UBOX5: variants seen among roughly 807,000 people sequenced by gnomAD.
UBOX5 encodes RING finger protein 37.
UBOX5 carries 28 observed loss-of-function variants against 39.0 expected under a neutral mutation model. The observed-to-expected ratio is 0.72, with a 90% confidence interval of 0.53 to 0.98. The LOEUF is 0.98. Ranked by LOEUF, UBOX5 falls within the 50% of genes least tolerant of loss-of-function variation. UBOX5 has a pLI of 0.00. For synonymous variants in UBOX5, 283 were observed against 275.5 expected, an observed-to-expected ratio of 1.03 and a Z score of -0.27; for missense variants, 585 against 674.4, an observed-to-expected ratio of 0.87 and a Z score of 1.47.
At chr20:3,123,075 A>T (rs907965353) in intron 2 of UBOX5, among the ~76,000 whole-genome samples, 19 of 152,272 alleles carry the variant, frequency 1.2e-4, no homozygotes, top group Admixed American at 1.0e-3. Context: ...TCAAAGAACA[A>T]AGAGCACAGT....
chr20:3,120,080 A>G (rs2066322242), intron 3 of UBOX5, among the ~76,000 whole-genome samples: 1 of 152,126 alleles, frequency 6.6e-6, no homozygotes, highest in African/African-American at 2.4e-5. Flanking sequence ...CAGGCCAGGC[A>G]CAGTGGCTTG....
At chr20:3,158,480 A>C (rs1224244832) in intron 1 of UBOX5, among the ~76,000 whole-genome samples, 1 of 152,042 alleles carries the variant, frequency 6.6e-6, no homozygotes, top group Admixed American at 6.6e-5. Flanking sequence ...TTATTTATTT[A>C]TTCATTTATT....
intron 3 of UBOX5, among the ~76,000 whole-genome samples, chr20:3,119,618 C>T (rs2066319025): frequency 6.6e-6 from 1 of 151,884 alleles, no homozygotes; most frequent in Admixed American, 6.6e-5. Context: ...CTCTGGGAGG[C>T]TGAGGTGGGC....
At chr20:3,115,182 G>T in intron 4 of UBOX5, 123 bp downstream of exon 4, 1 of 1,282,724 alleles carries the variant, frequency 7.8e-7, no homozygotes, top group Non-Finnish European at 1.0e-6. Context: ...GGTGGGTGTT[G>T]GAACTGACGG....
At chr20:3,148,943 G>A (rs1226344287) in intron 1 of UBOX5, 12 of 1,614,060 alleles carry the variant, frequency 7.4e-6, no homozygotes, top group Non-Finnish European at 1.0e-5. Flanking sequence ...GTGTTCTGGA[G>A]GGTCCTGTCC....
In UBOX5 at chr20:3,110,314, T is replaced by C; in HGVS notation, c.1418A>G (p.Glu473Gly). 1 of 1,614,020 alleles carries C rather than the reference T, an allele frequency of 6.2e-7. No homozygotes were observed. Among genetic ancestry groups the C allele is most frequent in the Non-Finnish European group, 8.5e-7 (1 of 1,179,954 alleles). Residue 473 changes from glutamate to glycine, a missense_variant and splice_region_variant, in exon 5 of 5, where the codon GAG becomes GGG. Transcript: ENST00000217173. ...NTSWRPGTGS[E>G]QPGSILGPEC... ...GGGGCCCAGGATGCTCCCAGGCTGC[T>C]CTGGTAAATCAGGAAGGAAAACAGG... is the stretch of plus-strand genomic sequence containing the variant.
At position 3,115,474 on chromosome 20, in the gene UBOX5, G is replaced by A; in HGVS notation, c.1256-8C>T. 3 of 1,610,540 alleles carry A rather than the reference G, an allele frequency of 1.9e-6. No homozygotes were observed. Among genetic ancestry groups the A allele is most frequent in the Non-Finnish European group, 2.5e-6 (3 of 1,178,168 alleles). On this transcript the variant is annotated splice_polypyrimidine_tract_variant and splice_region_variant and intron_variant, in intron 3 of 4. Transcript: ENST00000217173. ...GCTCGTGGGACAGTGGACCTGTCGA[G>A]AGATGCGCACAGCACAACATCCAGA...
intron 1 of UBOX5, among the ~76,000 whole-genome samples, chr20:3,134,107 CATATAT>C: frequency 6.6e-6 from 1 of 151,132 alleles, no homozygotes; most frequent in South Asian, 2.1e-4. Context: ...TATAGGTATG[CATATAT>C]ATATATAAAC....
intron 1 of UBOX5, among the ~76,000 whole-genome samples, chr20:3,139,994 C>A (rs927576118): frequency 2.4e-4 from 36 of 149,020 alleles, no homozygotes; most frequent in African/African-American, 8.9e-4. Context: ...AGGCATGAAC[C>A]ACCACACTCG....
chr20:3,121,990 G>A lies in UBOX5; in HGVS notation c.649C>T (p.Leu217=). 6.2e-7 allele frequency: 1 copy of A among 1,614,172 alleles called. No homozygotes were observed. Among genetic ancestry groups the A allele is most frequent in the Non-Finnish European group, 8.5e-7 (1 of 1,180,054 alleles). ...GCCTGCAGAGCCACATCCTGAGGCA[G>A]GTTCTCTGAGGTGACCAGCAGGATG... The part of the protein sequence containing the change: ...DSILLVTSEN[L]PQDVALQAPA... Residue 217 remains leucine (L), a synonymous_variant, in exon 3 of 5, where the codon CTG becomes TTG. Coordinates refer to ENST00000217173, the MANE Select transcript of UBOX5 (RefSeq NM_014948.4).
chr20:3,153,088 T>C (rs1178915667), intron 1 of UBOX5, among the ~76,000 whole-genome samples: 6 of 152,184 alleles, frequency 3.9e-5, no homozygotes, highest in Non-Finnish European at 8.8e-5. Context: ...GTGGAACAAA[T>C]AGCACATAAA....
intron 4 of UBOX5, among the ~76,000 whole-genome samples, chr20:3,110,926 G>C (rs137946693): frequency 1.3e-5 from 2 of 151,982 alleles, no homozygotes; most frequent in East Asian, 3.9e-4. Context: ...CAGAGACAAG[G>C]CTGAGGCCTG....
intron 3 of UBOX5, among the ~76,000 whole-genome samples, chr20:3,117,118 A>G (rs937496598): frequency 1.3e-5 from 2 of 151,876 alleles, no homozygotes; most frequent in Admixed American, 1.3e-4. Context: ...GAAACGTGTC[A>G]AAGAGCTACC....
At chr20:3,140,670 C>A (rs942840369) in intron 1 of UBOX5, among the ~76,000 whole-genome samples, 1 of 152,102 alleles carries the variant, frequency 6.6e-6, no homozygotes, top group East Asian at 1.9e-4. Flanking sequence ...CCACAAAAAA[C>A]CACGCTGGTT....
intron 1 of UBOX5, among the ~76,000 whole-genome samples, chr20:3,152,415 T>G (rs2066639392): frequency 6.6e-6 from 1 of 151,678 alleles, no homozygotes; most frequent in Admixed American, 6.6e-5. Context: ...GGCGGGAGAA[T>G]CACTTGAACC....
chr20:3,140,189 T>G (rs2066506399), intron 1 of UBOX5, among the ~76,000 whole-genome samples: 1 of 151,486 alleles, frequency 6.6e-6, no homozygotes, highest in Non-Finnish European at 1.5e-5. Context: ...GCCCAGCTGA[T>G]TTTTGTATTT....
intron 1 of UBOX5, chr20:3,147,244 C>G (rs564564621): frequency 1.2e-6 from 2 of 1,614,050 alleles, no homozygotes; most frequent in African/African-American, 2.7e-5. Flanking sequence ...CATTTTCAGC[C>G]GGCGTGGCTT....
Position 3,121,792 on chromosome 20 carries a change from C to G in UBOX5, c.847G>C (p.Val283Leu). Reference protein sequence around the residue: ...PCPMLLPSGKVIDQSTLEKCN... With the variant: ...PCPMLLPSGKLIDQSTLEKCN... ...TTCTCCAGTGTGCTCTGGTCGATGA[C>G]CTTGCCTGAGGGCAGCAGCATGGGA... The change falls in exon 3 of 5, where the codon GTC (valine) becomes CTC (leucine). Residue 283 changes from valine to leucine, a missense_variant. Transcript: ENST00000217173. 1 of 1,614,162 alleles carries G rather than the reference C, an allele frequency of 6.2e-7. No homozygotes were observed. The highest frequency in any genetic ancestry group is 8.5e-7 in the Non-Finnish European group (1 of 1,180,040).
intron 1 of UBOX5, among the ~76,000 whole-genome samples, chr20:3,140,892 T>A (rs1294219938): frequency 5.7e-5 from 8 of 140,506 alleles, no homozygotes; most frequent in Admixed American, 5.6e-4. Context: ...CTCTCCCATC[T>A]ATTTTTTTTT....
Sources: allele counts gnomAD v4.1 joint callset (sites outside exome capture counted in the v4.1 genomes callset), GRCh38; gene constraint gnomAD v4.1.1; transcripts MANE v1.5; gene names NCBI Gene and HGNC (gene_info 2026-07-23, HGNC 2026-07-21).